ANKS1B: variants seen among roughly 807,000 people sequenced by gnomAD.
ANKS1B encodes the protein ankyrin repeat and sterile alpha motif domain containing 1B.
Under a neutral mutation model 148.3 loss-of-function variants are expected in ANKS1B, and 36 were observed. That is an observed-to-expected ratio of 0.24 (90% CI 0.19 to 0.32). The LOEUF (loss-of-function observed/expected upper bound fraction) is 0.32. Ranked by LOEUF, ANKS1B falls within the 10% of genes least tolerant of loss-of-function variation. The pLI is 1.00. For missense variants in ANKS1B, 1,157 were observed against 1,542.6 expected (o/e 0.75, Z 4.19); for synonymous variants, 542 against 560.8 (o/e 0.97, Z 0.47).
In ANKS1B at chr12:99,577,640, A is replaced by G. The variant is rs531511924; in HGVS notation, c.1273-72999T>C. Among the ~76,000 whole-genome samples the G allele has an allele frequency of 7.9e-5, 12 of 152,224 alleles. No homozygotes were observed. The East Asian group carries it at 2.1e-3, about 27-fold the overall frequency. ...CTAGAAGAAATGTATAAATTCCTGG[A>G]AACATACAACCTCCCAAGACTGAAC... On this transcript the variant is annotated intron_variant, in intron 9 of 26. Transcript: ENST00000683438.
intron 9 of ANKS1B, among the ~76,000 whole-genome samples, chr12:99,588,482 T>C (rs1010167292): frequency 1.3e-5 from 2 of 151,798 alleles, no homozygotes; most frequent in Non-Finnish European, 2.9e-5. Context: ...AGTGGTGCCA[T>C]CTCGGCTCAC....
intron 10 of ANKS1B, among the ~76,000 whole-genome samples, chr12:99,479,429 G>A (rs1166790088): frequency 1.3e-5 from 2 of 151,902 alleles, no homozygotes; most frequent in Admixed American, 6.6e-5. Flanking sequence ...CATTAATAAA[G>A]CTTTCTTCAA....
intron 3 of ANKS1B, among the ~76,000 whole-genome samples, chr12:99,807,710 T>C (rs967893539): frequency 1.1e-4 from 16 of 152,088 alleles, no homozygotes; most frequent in African/African-American, 3.1e-4. Context: ...ATTTTACAGA[T>C]GAGAAAACTG....
chr12:99,463,000 C>T (rs1263946080), intron 10 of ANKS1B, among the ~76,000 whole-genome samples: 1 of 152,150 alleles, frequency 6.6e-6, no homozygotes, highest in African/African-American at 2.4e-5. Flanking sequence ...GAACTGCAAG[C>T]CAAACAAACC....
At position 99,146,985 on chromosome 12, in the gene ANKS1B, G is replaced by A. The variant is rs141497973; in HGVS notation, c.2526+7304C>T. 3.9e-3 allele frequency among the ~76,000 whole-genome samples: 594 copies of A among 152,228 alleles called. 4 individuals carry two copies. The highest frequency in any genetic ancestry group is 0.014 in the African/African-American group (575 of 41,550). On this transcript the variant is annotated intron_variant, in intron 15 of 26. Coordinates refer to ENST00000683438, the MANE Select transcript of ANKS1B (RefSeq NM_001352186.2). ...ATTTATCTATGTACTGGCTATGGCTGCTTTCATGCTACAATAGCTGTGTTG... is the reference window on the plus strand; with the variant it reads ...ATTTATCTATGTACTGGCTATGGCTACTTTCATGCTACAATAGCTGTGTTG...
chr12:99,179,839 T>C (rs990920876), intron 14 of ANKS1B, among the ~76,000 whole-genome samples: 7 of 152,212 alleles, frequency 4.6e-5, no homozygotes, highest in African/African-American at 1.7e-4. Flanking sequence ...TAATTACTAT[T>C]ATAATATCAC....
chr12:99,248,380 T>C (rs569266679), intron 12 of ANKS1B, among the ~76,000 whole-genome samples: 1 of 152,232 alleles, frequency 6.6e-6, no homozygotes, highest in African/African-American at 2.4e-5. Context: ...CCAGCTATCA[T>C]ACCAGCATCC....
intron 15 of ANKS1B, among the ~76,000 whole-genome samples, chr12:99,106,091 C>A (rs531864878): frequency 6.6e-6 from 1 of 152,320 alleles, no homozygotes; most frequent in South Asian, 2.1e-4. Flanking sequence ...TACTAGGGAT[C>A]TCTGCAAGGG....
chr12:99,252,854 A>C (rs2074787800), intron 12 of ANKS1B, among the ~76,000 whole-genome samples: 1 of 152,210 alleles, frequency 6.6e-6, no homozygotes, highest in African/African-American at 2.4e-5. Flanking sequence ...CTCTGAAGAA[A>C]AACTTCTGGG....
intron 12 of ANKS1B, among the ~76,000 whole-genome samples, chr12:99,342,903 T>G (rs2090140203): frequency 6.6e-6 from 1 of 151,928 alleles, no homozygotes; most frequent in African/African-American, 2.4e-5. Flanking sequence ...GAAATTTGCC[T>G]AAAGCTCCTT....
chr12:98,934,652 T>A (rs2099816782), intron 17 of ANKS1B, among the ~76,000 whole-genome samples: 2 of 152,122 alleles, frequency 1.3e-5, no homozygotes. Context: ...TTTTACTATA[T>A]TTTGTAGTTT....
chr12:99,920,334 AT>A (rs2094313584), intron 1 of ANKS1B, among the ~76,000 whole-genome samples: 1 of 152,196 alleles, frequency 6.6e-6, no homozygotes, highest in African/African-American at 2.4e-5. Context: ...TAAAAGGAAC[AT>A]TATTTTAATA....
At chr12:99,630,481 C>A (rs1177852426) in intron 9 of ANKS1B, among the ~76,000 whole-genome samples, 1 of 151,984 alleles carries the variant, frequency 6.6e-6, no homozygotes, top group Non-Finnish European at 1.5e-5. Flanking sequence ...GCTTTAGGAC[C>A]AAAGAGAAAT....
intron 2 of ANKS1B, among the ~76,000 whole-genome samples, chr12:99,817,590 A>G (rs2082033738): frequency 2.0e-5 from 3 of 151,544 alleles, no homozygotes; most frequent in African/African-American, 7.3e-5. Flanking sequence ...GAACCTCCAT[A>G]CTTGTCGTCC....
intron 17 of ANKS1B, among the ~76,000 whole-genome samples, chr12:98,969,578 C>CT (rs139106653): frequency 0.18 from 27,314 of 151,738 alleles, 2,631 homozygotes; most frequent in African/African-American, 0.23. Flanking sequence ...AAAGAAATAT[C>CT]TTTTTTTTGC....
Position 98,789,210 on chromosome 12 carries a change from A to G in ANKS1B, c.3343-7073T>C, listed in dbSNP as rs111677483. Among the ~76,000 whole-genome samples, 1,414 of 152,126 alleles carry G rather than the reference A, an allele frequency of 9.3e-3. 22 individuals carry two copies. Among genetic ancestry groups the G allele is most frequent in the African/African-American group, 0.033 (1,359 of 41,508 alleles). On this transcript the variant is annotated intron_variant, in intron 22 of 26. Coordinates refer to ENST00000683438, the MANE Select transcript of ANKS1B (RefSeq NM_001352186.2). ...ATTTAAAAATTAGCTGGACGTGGTG[A>G]CGGGCGCCTGTAATCCCAGCTACTC...
chr12:98,749,378 A>G (rs1484835000), intron 26 of ANKS1B, among the ~76,000 whole-genome samples: 1 of 151,986 alleles, frequency 6.6e-6, no homozygotes, highest in East Asian at 1.9e-4. Context: ...AAGTGCTGGG[A>G]TTACAGGCGT....
intron 11 of ANKS1B, among the ~76,000 whole-genome samples, chr12:99,423,340 G>A (rs925481650): frequency 1.1e-4 from 16 of 152,120 alleles, no homozygotes; most frequent in Admixed American, 8.5e-4. Context: ...AATAACAGAT[G>A]TTGGCGAGGT....
chr12:99,304,222 T>C (rs1016827958), intron 12 of ANKS1B, among the ~76,000 whole-genome samples: 5 of 152,160 alleles, frequency 3.3e-5, no homozygotes, highest in Non-Finnish European at 2.9e-5. Context: ...CTAGTTTACA[T>C]TCCCACCAGC....
Sources: allele counts gnomAD v4.1 joint callset (sites outside exome capture counted in the v4.1 genomes callset), GRCh38; gene constraint gnomAD v4.1.1; transcripts MANE v1.5; gene names NCBI Gene and HGNC (gene_info 2026-07-23, HGNC 2026-07-21).